TRPM6: variants seen among roughly 807,000 people sequenced by gnomAD.
TRPM6 encodes channel kinase 2.
TRPM6 carries 111 observed loss-of-function variants against 247.6 expected under a neutral mutation model. The ratio of observed to expected loss-of-function variants is 0.45; its 90% CI spans 0.38 to 0.52. The LOEUF (loss-of-function observed/expected upper bound fraction) is 0.52. Ranked by LOEUF, TRPM6 falls within the 20% of genes least tolerant of loss-of-function variation. The probability of loss-of-function intolerance (pLI) is 0.00; values close to 1 mark genes in which losing one functional copy is unlikely to be tolerated. For missense variants in TRPM6, 2,126 were observed against 2,421.5 expected (o/e 0.88, Z 2.56); for synonymous variants, 892 against 853.8 (o/e 1.04, Z -0.78).
At chr9:74,739,341 G>A (rs766738854) in intron 35 of TRPM6, 26 bp downstream of exon 35, 1 of 1,602,506 alleles carries the variant, frequency 6.2e-7, no homozygotes, top group Non-Finnish European at 8.6e-7. Flanking sequence ...TTGAAACAAA[G>A]GGCCAAGGTG....
At chr9:74,804,300 T>C (rs1004712657) in intron 14 of TRPM6, among the ~76,000 whole-genome samples, 1 of 152,110 alleles carries the variant, frequency 6.6e-6, no homozygotes, top group Non-Finnish European at 1.5e-5. Flanking sequence ...TAAGGTTAAG[T>C]CAGAAAGTTA....
Position 74,800,404 on chromosome 9 carries a change from C to T in TRPM6, c.2088G>A (p.Thr696=), listed in dbSNP as rs201934592. The change falls in exon 17 of 39, where the codon ACG becomes ACA. Residue 696 remains threonine (T), a synonymous_variant. Coordinates refer to ENST00000360774, the MANE Select transcript of TRPM6 (RefSeq NM_017662.5). ...AATTGCTCCAGTTCCTGAGTTCATA[C>T]GTCAACAGCGTCATGGCCATGCGCT... ...QNERMAMTLL[T]YELRNWSNST... The T allele has an allele frequency of 3.5e-5, 57 of 1,613,948 alleles. No homozygotes were observed. The highest frequency in any genetic ancestry group is 6.7e-5 in the East Asian group (3 of 44,864).
chr9:74,747,968 T>C, intron 30 of TRPM6, 54 bp from the exon 31 acceptor site: 2 of 1,559,576 alleles, frequency 1.3e-6, no homozygotes, highest in Non-Finnish European at 1.8e-6. Context: ...AATCTTACAG[T>C]TATCAAAAAA....
chr9:74,867,716 C>G (rs748782132), intron 1 of TRPM6, among the ~76,000 whole-genome samples: 2 of 152,136 alleles, frequency 1.3e-5, no homozygotes, highest in Non-Finnish European at 2.9e-5. Context: ...AAGTGTGGAA[C>G]CAGCCCTTTA....
intron 14 of TRPM6, 101 bp downstream of exon 14, chr9:74,807,933 A>G: frequency 7.6e-7 from 1 of 1,322,238 alleles, no homozygotes; most frequent in Non-Finnish European, 1.1e-6. Flanking sequence ...TAAAATGACC[A>G]TTTTAGGAGC....
intron 3 of TRPM6, among the ~76,000 whole-genome samples, chr9:74,852,485 G>A (rs186918180): frequency 7.5e-6 from 1 of 132,980 alleles, no homozygotes; most frequent in South Asian, 2.3e-4. Flanking sequence ...CTCCCTCTCC[G>A]TCTCCGTCTC....
At chr9:74,790,751 G>A (rs922366325) in intron 19 of TRPM6, among the ~76,000 whole-genome samples, 1 of 152,106 alleles carries the variant, frequency 6.6e-6, no homozygotes, top group Admixed American at 6.6e-5. Context: ...ACAACTATAC[G>A]AATCTGGAAG....
chr9:74,887,921 T>C lies in TRPM6; in HGVS notation c.-65A>G. The C allele has an allele frequency of 1.3e-6, 2 of 1,591,730 alleles. No homozygotes were observed. Among genetic ancestry groups the C allele is most frequent in the Non-Finnish European group, 1.7e-6 (2 of 1,160,176 alleles). On this transcript the variant is annotated 5_prime_UTR_variant, in exon 1 of 39. Transcript: ENST00000360774. ...CTTTTAACTGTGGAGGCAGAAACTC[T>C]GGGCTCCACCTCCACACGCTGCCTT...
intron 20 of TRPM6, among the ~76,000 whole-genome samples, chr9:74,786,465 C>T (rs1335513618): frequency 2.0e-5 from 3 of 152,048 alleles, no homozygotes; most frequent in East Asian, 1.9e-4. Flanking sequence ...GCAGGCTGGG[C>T]GCGGTGGCTC....
At chr9:74,818,451 C>T (rs1032670222) in intron 9 of TRPM6, among the ~76,000 whole-genome samples, 81 of 151,886 alleles carry the variant, frequency 5.3e-4, no homozygotes, top group African/African-American at 1.9e-3. Context: ...TATAGGCACC[C>T]GCCACTATGC....
At chr9:74,884,475 C>T (rs779019519) in intron 1 of TRPM6, among the ~76,000 whole-genome samples, 2 of 151,470 alleles carry the variant, frequency 1.3e-5, no homozygotes, top group South Asian at 2.1e-4. Flanking sequence ...GGAGACAGAG[C>T]GAGACTCTGT....
chr9:74,816,988 C>A, intron 9 of TRPM6, 24 bp from the exon 10 acceptor site: 1 of 1,603,034 alleles, frequency 6.2e-7, no homozygotes, highest in Non-Finnish European at 8.5e-7. Flanking sequence ...AAACAGAGAG[C>A]CATACATTTG....
At chr9:74,780,876 A>G (rs1231391623) in intron 23 of TRPM6, among the ~76,000 whole-genome samples, 3 of 152,230 alleles carry the variant, frequency 2.0e-5, no homozygotes, top group Non-Finnish European at 4.4e-5. Context: ...GAAAAGCTGG[A>G]ACATCAACAA....
intron 20 of TRPM6, among the ~76,000 whole-genome samples, chr9:74,787,973 C>T (rs181913934): frequency 1.2e-4 from 18 of 152,230 alleles, no homozygotes; most frequent in Admixed American, 1.2e-3. Context: ...CCTCGGCCTC[C>T]CAAAGTGCTG....
chr9:74,815,511 G>A (rs898459619), intron 11 of TRPM6, among the ~76,000 whole-genome samples: 4 of 152,110 alleles, frequency 2.6e-5, no homozygotes, highest in Non-Finnish European at 4.4e-5. Flanking sequence ...AGGAAGACAA[G>A]GACATAGAAG....
chr9:74,872,703 C>T (rs11791738), intron 1 of TRPM6, among the ~76,000 whole-genome samples: 1 of 152,118 alleles, frequency 6.6e-6, no homozygotes, highest in South Asian at 2.1e-4. Flanking sequence ...CTCCTGACCT[C>T]AAGTGATCTG....
chr9:74,761,675 A>G (rs1587478628), intron 27 of TRPM6, 21 bp downstream of exon 27: 2 of 1,484,122 alleles, frequency 1.3e-6, no homozygotes. Context: ...AACCTAAAAG[A>G]CAGAATAACA....
chr9:74,816,705 G>A lies in TRPM6; in HGVS notation c.1272C>T (p.Ala424=), dbSNP rs762988583. Residue 424 remains alanine (A), a synonymous_variant, in exon 11 of 39, where the codon GCC becomes GCT. Coordinates refer to ENST00000360774, the MANE Select transcript of TRPM6 (RefSeq NM_017662.5). ...GTTCATAAATTAGGATATGTTTCTT[G>A]GCAATGTCCACCCTGTCCCAAGCCA... The part of the protein sequence containing the change: ...LAMAWDRVDI[A]KKHILIYEQH... 22 of 1,613,790 alleles carry A rather than the reference G, an allele frequency of 1.4e-5. No homozygotes were observed. The highest frequency in any genetic ancestry group is 9.3e-6 in the Non-Finnish European group (11 of 1,179,956).
chr9:74,797,605 G>A (rs1828144605), intron 17 of TRPM6, among the ~76,000 whole-genome samples: 1 of 152,032 alleles, frequency 6.6e-6, no homozygotes, highest in Non-Finnish European at 1.5e-5. Flanking sequence ...CTGCAGATGT[G>A]GAACCCATGG....
Sources: gnomAD v4.1 joint callset for allele counts (sites outside exome capture counted in the v4.1 genomes callset) on GRCh38, gnomAD v4.1.1 for gene constraint, MANE v1.5 for transcripts, NCBI Gene and HGNC (gene_info 2026-07-23, HGNC 2026-07-21) for gene names.